Variants in STK25 observed in about 807,000 individuals in gnomAD.
The protein encoded by STK25 is serine/threonine-protein kinase 25.
A neutral mutation model predicts 53.8 loss-of-function variants in STK25; 29 were observed. That is an observed-to-expected ratio of 0.54 (90% confidence interval 0.40 to 0.74). The LOEUF is 0.74. Ranked by LOEUF, STK25 falls within the 30% of genes least tolerant of loss-of-function variation. STK25 has a pLI of 0.00. For synonymous variants in STK25, 247 were observed against 238.3 expected, an observed-to-expected ratio of 1.04 and a Z score of -0.33; for missense variants, 420 against 568.0, an observed-to-expected ratio of 0.74 and a Z score of 2.65.
In STK25 at chr2:241,493,662, T is replaced by C. The variant is rs2065017577; in HGVS notation, c.*2000A>G. ...CAGGCTGGAGTGCAGTGATACAATCTTGGCTCACTATAACCTGCACCTCCA... is the reference window on the plus strand; with the variant it reads ...CAGGCTGGAGTGCAGTGATACAATCCTGGCTCACTATAACCTGCACCTCCA... On this transcript the variant is annotated 3_prime_UTR_variant, in exon 12 of 12. Transcript: ENST00000316586. The C allele has an allele frequency of 1.7e-6, 1 of 576,380 alleles. No homozygotes were observed. The highest frequency in any genetic ancestry group is 2.1e-5 in the South Asian group (1 of 47,846). 35.7% of individuals were successfully genotyped at this position (576,380 alleles called of 1,614,324 possible).
rs1158727446 is a variant in STK25, at chr2:241,508,059, G to T, written c.-24C>A. On this transcript the variant is annotated 5_prime_UTR_variant, in exon 2 of 12. Coordinates refer to ENST00000316586, the MANE Select transcript of STK25 (RefSeq NM_001271977.2). ...ATGGCCGCGCCGCCTCAGACCCTCC[G>T]CCAGCAGCCCCAGGAGGCGTCTGGA... 6.3e-7 allele frequency: 1 copy of T among 1,595,104 alleles called. No homozygotes were observed. Among genetic ancestry groups the T allele is most frequent in the Non-Finnish European group, 8.5e-7 (1 of 1,172,338 alleles).
rs540280190 is a variant in STK25, at chr2:241,496,654, C to T, written c.1105-120G>A. The T allele has an allele frequency of 1.0e-5, 12 of 1,175,572 alleles. No individual in the cohort carries two copies. The highest frequency in any genetic ancestry group is 7.7e-5 in the East Asian group (3 of 38,920). 72.8% of individuals were successfully genotyped at this position (1,175,572 alleles called of 1,614,324 possible). ...AGGGCTCTCGCCTAGGAGCCACACC[C>T]GGGAGCCCTTCAGCAAGCCGGGAAG... On this transcript the variant is annotated intron_variant, in intron 10 of 11. Coordinates refer to ENST00000316586, the MANE Select transcript of STK25 (RefSeq NM_001271977.2). The surrounding 1 kb of genome is among the most constrained non-coding windows in gnomAD (Gnocchi z 5.8).
At chr2:241,504,844 G>A (rs1293157268) in intron 2 of STK25, among the ~76,000 whole-genome samples, 6 of 151,982 alleles carry the variant, frequency 3.9e-5, no homozygotes, top group Non-Finnish European at 8.8e-5. Flanking sequence ...CTCCATTTCT[G>A]GTGGAGGACC....
chr2:241,508,723 G>A, upstream of STK25: 1 of 985,480 alleles, frequency 1.0e-6, no homozygotes. Flanking sequence ...GCGAGAGGGG[G>A]CCGGGGCTCG....
At chr2:241,506,421 G>A (rs941070830) in intron 2 of STK25, among the ~76,000 whole-genome samples, 1 of 152,184 alleles carries the variant, frequency 6.6e-6, no homozygotes, top group Non-Finnish European at 1.5e-5. Context: ...GGGCACCTCG[G>A]AGCTCCAATT....
intron 9 of STK25, 59 bp from the exon 10 acceptor site, chr2:241,497,746 C>G: frequency 2.0e-6 from 3 of 1,479,674 alleles, no homozygotes; most frequent in Non-Finnish European, 2.8e-6. Flanking sequence ...GCAGGGCACT[C>G]CCATCCCTGC....
At chr2:241,495,784 T>C in intron 11 of STK25, 83 bp from the exon 12 acceptor site, 1 of 1,460,340 alleles carries the variant, frequency 6.8e-7, no homozygotes, top group East Asian at 2.3e-5. Context: ...CAGTCTGCGG[T>C]GGCAGCCCTG....
In STK25 at chr2:241,496,087, G is replaced by A. The variant is rs1342453631; in HGVS notation, c.1241+311C>T. Among the ~76,000 whole-genome samples the A allele has an allele frequency of 3.3e-5, 5 of 152,180 alleles. No individual in the cohort carries two copies. The highest frequency in any genetic ancestry group is 7.3e-5 in the Non-Finnish European group (5 of 68,028). On this transcript the variant is annotated intron_variant, in intron 11 of 11. Transcript: ENST00000316586. The surrounding 1 kb of genome is among the most constrained non-coding windows in gnomAD (Gnocchi z 5.8). ...CACCAGCGTGTCAGAGTAGCTCCCG[G>A]GAGCCACCAGGTGGAGGGGCAGAGG... is the stretch of plus-strand genomic sequence containing the variant.
intron 2 of STK25, among the ~76,000 whole-genome samples, chr2:241,505,619 C>A (rs1342611148): frequency 1.3e-5 from 2 of 152,196 alleles, no homozygotes; most frequent in African/African-American, 4.8e-5. Context: ...ATCACAGCAG[C>A]CCCGGTAGGG....
chr2:241,502,544 CCTGA>C (rs1464579575), intron 2 of STK25, among the ~76,000 whole-genome samples: 13 of 152,178 alleles, frequency 8.5e-5, no homozygotes, highest in Admixed American at 5.2e-4. Flanking sequence ...TCGCAACCAG[CCTGA>C]CTAACATGGT....
chr2:241,500,321 C>A, intron 4 of STK25, 40 bp from the exon 5 acceptor site: 1 of 1,465,280 alleles, frequency 6.8e-7, no homozygotes, highest in Non-Finnish European at 9.5e-7. Context: ...CAGCTCCTGT[C>A]CCAGGCCCAA....
At chr2:241,507,652 C>T (rs920146267) in intron 2 of STK25, among the ~76,000 whole-genome samples, 1 of 152,250 alleles carries the variant, frequency 6.6e-6, no homozygotes, top group Admixed American at 6.5e-5. Flanking sequence ...TGGCCCCCGA[C>T]CTTCCACTGC....
intron 5 of STK25, 117 bp downstream of exon 5, chr2:241,500,056 G>C: frequency 1.2e-6 from 1 of 830,262 alleles, no homozygotes; most frequent in Non-Finnish European, 2.1e-6. Flanking sequence ...TGGCCACAAG[G>C]TTCTCTATAC....
In STK25 at chr2:241,493,175, A is replaced by G. The variant is rs555412806; in HGVS notation, c.*2487T>C. On this transcript the variant is annotated 3_prime_UTR_variant, in exon 12 of 12. Coordinates refer to ENST00000316586, the MANE Select transcript of STK25 (RefSeq NM_001271977.2). ...CACCCTGTGCTGTGTGAACAGGGAA[A>G]CTGGCTCCCTTGGCCCGTGGGCATT... 7.8e-7 allele frequency: 1 copy of G among 1,284,346 alleles called. No individual in the cohort carries two copies. The highest frequency in any genetic ancestry group is 1.5e-5 in the African/African-American group (1 of 68,262). The allele number at this position is 1,284,346 out of a possible 1,614,324, so 79.6% of individuals were successfully genotyped here. A position where few individuals can be genotyped will look rare whatever the true frequency, so the allele number is the denominator to read the frequency against.
chr2:241,497,777 G>A, intron 9 of STK25, 90 bp from the exon 10 acceptor site: 1 of 1,342,618 alleles, frequency 7.4e-7, no homozygotes, highest in Non-Finnish European at 1.1e-6. Context: ...GCCTTGAAGA[G>A]ACAGAGGCTG....
intron 5 of STK25, 54 bp downstream of exon 5, chr2:241,500,119 T>C (rs1303273237): frequency 2.0e-6 from 3 of 1,514,662 alleles, no homozygotes; most frequent in South Asian, 1.1e-5. Flanking sequence ...CCGGCCTCTC[T>C]AAGGTCAGTG....
chr2:241,495,337 A>C lies in STK25; in HGVS notation c.*325T>G. 1 of 325,922 alleles carries C rather than the reference A, an allele frequency of 3.1e-6. No individual in the cohort carries two copies. Among genetic ancestry groups the C allele is most frequent in the East Asian group, 6.0e-5 (1 of 16,706 alleles). 20.2% of individuals were successfully genotyped at this position (325,922 alleles called of 1,614,324 possible). ...GCTCTGCGCCTTGGTCTGAGCGGCC[A>C]TAGGGCTGCATGAGTCTGCAGAAGA... is the stretch of plus-strand genomic sequence containing the variant. On this transcript the variant is annotated 3_prime_UTR_variant, in exon 12 of 12. Coordinates refer to ENST00000316586, the MANE Select transcript of STK25 (RefSeq NM_001271977.2).
chr2:241,508,586 C>T (rs1299521043), upstream of STK25: 6 of 989,036 alleles, frequency 6.1e-6, no homozygotes, highest in African/African-American at 1.7e-5. Context: ...GGAGAAAGCC[C>T]GGAGGCGACG....
intron 2 of STK25, among the ~76,000 whole-genome samples, chr2:241,505,313 T>C (rs2065760099): frequency 6.6e-6 from 1 of 152,004 alleles, no homozygotes; most frequent in African/African-American, 2.4e-5. Flanking sequence ...AGGCCTGGCC[T>C]CAGCCTCAAC....
Sources: allele counts gnomAD v4.1 joint callset (sites outside exome capture counted in the v4.1 genomes callset), GRCh38; gene constraint gnomAD v4.1.1; non-coding constraint Gnocchi (gnomAD v3.1); transcripts MANE v1.5; gene names NCBI Gene and HGNC (gene_info 2026-07-23, HGNC 2026-07-21).